Variants in VAV2 observed in about 807,000 individuals in gnomAD.
The protein encoded by VAV2 is vav guanine nucleotide exchange factor 2.
A neutral mutation model predicts 132.5 loss-of-function variants in VAV2; 67 were observed. The observed-to-expected ratio is 0.51, with a 90% CI of 0.42 to 0.62. VAV2 has a LOEUF of 0.62. VAV2 is among the 20% of genes least tolerant of loss of function. VAV2 has a pLI of 0.00. For synonymous variants in VAV2, 492 were observed against 443.5 expected (o/e 1.11, Z -1.37); for missense variants, 938 against 1,153.6 (o/e 0.81, Z 2.71).
intron 2 of VAV2, among the ~76,000 whole-genome samples, chr9:133,886,500 G>A (rs1838715192): frequency 6.6e-6 from 1 of 152,222 alleles, no homozygotes; most frequent in Admixed American, 6.5e-5. Flanking sequence ...CCAGACAAGA[G>A]GAAGCCCCAG....
chr9:133,958,163 A>G (rs989510257), intron 1 of VAV2, among the ~76,000 whole-genome samples: 4 of 138,174 alleles, frequency 2.9e-5, no homozygotes, highest in African/African-American at 1.0e-4. Flanking sequence ...GAAGGGAAAG[A>G]CCTGACCGTC....
chr9:133,910,673 A>G (rs945585109), intron 2 of VAV2, among the ~76,000 whole-genome samples: 30 of 150,346 alleles, frequency 2.0e-4, no homozygotes, highest in Non-Finnish European at 4.0e-4. Context: ...AATTACAAAA[A>G]CTTAGCCGAG....
At chr9:133,916,758 A>G (rs541481247) in intron 2 of VAV2, among the ~76,000 whole-genome samples, 3 of 152,170 alleles carry the variant, frequency 2.0e-5, no homozygotes, top group East Asian at 3.9e-4. Flanking sequence ...GCCTCCAGCC[A>G]TGCAAAAAGC....
rs752917195 is a variant in VAV2 at position 133,768,062 on chromosome 9, G to A, written c.2589+380C>T. On this transcript the variant is annotated intron_variant, in intron 29 of 29. Transcript: ENST00000371850. This position sits in a 1 kb window ranked among gnomAD's most constrained non-coding sequence, Gnocchi z 5.3. ...GCAGGAGGAGCCCAGCAAGGACACC[G>A]TGTCCTCCTCAGTCCTGTGACCTCC... Among the ~76,000 whole-genome samples, 4 of 152,018 alleles carry A rather than the reference G, an allele frequency of 2.6e-5. No homozygotes were observed. The highest frequency in any genetic ancestry group is 4.8e-5 in the African/African-American group (2 of 41,386).
intron 8 of VAV2, 149 bp downstream of exon 8, chr9:133,807,109 G>A (rs566653911): frequency 3.1e-5 from 26 of 840,114 alleles, no homozygotes; most frequent in Admixed American, 1.3e-4. Context: ...TGGAGAGAGC[G>A]GTGGGGGCTC....
chr9:133,780,635 C>A, intron 20 of VAV2, 59 bp downstream of exon 20: 1 of 1,184,372 alleles, frequency 8.4e-7, no homozygotes, highest in Non-Finnish European at 1.1e-6. Context: ...TCTGGCTCTG[C>A]GCACACAGGG....
At chr9:133,920,722 T>A (rs1348854767) in intron 2 of VAV2, among the ~76,000 whole-genome samples, 1 of 151,754 alleles carries the variant, frequency 6.6e-6, no homozygotes, top group African/African-American at 2.4e-5. Flanking sequence ...ATGCTGTCTG[T>A]CACTGTCTCC....
chr9:133,795,776 G>A, intron 11 of VAV2, 40 bp from the exon 12 acceptor site: 2 of 1,604,484 alleles, frequency 1.2e-6, no homozygotes, highest in Non-Finnish European at 8.5e-7. Flanking sequence ...ACCACTCGGG[G>A]GTTCTGGCCT....
chr9:133,939,714 G>A (rs1174427445), intron 1 of VAV2, among the ~76,000 whole-genome samples: 5 of 152,372 alleles, frequency 3.3e-5, no homozygotes, highest in East Asian at 3.9e-4. Context: ...ACGTGGGCAC[G>A]TGCACAGGCG....
At chr9:133,790,571 G>C (rs758681682) in intron 13 of VAV2, among the ~76,000 whole-genome samples, 1 of 152,148 alleles carries the variant, frequency 6.6e-6, no homozygotes, top group Non-Finnish European at 1.5e-5. Context: ...CTCACTGTAC[G>C]CATTTGTGAC....
At chr9:133,904,022 A>C (rs1243287500) in intron 2 of VAV2, among the ~76,000 whole-genome samples, 1 of 152,262 alleles carries the variant, frequency 6.6e-6, no homozygotes, top group African/African-American at 2.4e-5. Context: ...AAAGCTTATA[A>C]AATCATGTTG....
chr9:133,818,563 T>C (rs1405907994), intron 4 of VAV2, among the ~76,000 whole-genome samples: 1 of 152,198 alleles, frequency 6.6e-6, no homozygotes, highest in Non-Finnish European at 1.5e-5. Flanking sequence ...CCTGGTTCTC[T>C]GACCTTTGGA....
chr9:133,981,100 G>A (rs890265163), intron 1 of VAV2, among the ~76,000 whole-genome samples: 9 of 152,292 alleles, frequency 5.9e-5, no homozygotes, highest in African/African-American at 2.2e-4. Context: ...AGGAGGCCCT[G>A]GGGAGAAGCA....
intron 2 of VAV2, among the ~76,000 whole-genome samples, chr9:133,937,319 G>A (rs945197957): frequency 7.9e-5 from 12 of 151,978 alleles, no homozygotes; most frequent in African/African-American, 2.9e-4. Context: ...TGCATGTCTG[G>A]GTGTGGGTGT....
At chr9:133,924,832 G>A (rs1840417188) in intron 2 of VAV2, among the ~76,000 whole-genome samples, 1 of 152,222 alleles carries the variant, frequency 6.6e-6, no homozygotes, top group African/African-American at 2.4e-5. Context: ...CCACCAACAG[G>A]TGCATAGATG....
chr9:133,961,932 C>T lies in VAV2; in HGVS notation c.205-22713G>A, dbSNP rs1415694754. The stretch of plus-strand genomic sequence containing the variant: ...CTGACTCCTCACCCCACGGTGGCCC[C>T]TGCCAGAACCCAGCATCATCCCCCA... On this transcript the variant is annotated intron_variant, in intron 1 of 29. Coordinates refer to ENST00000371850, the MANE Select transcript of VAV2 (RefSeq NM_001134398.2). The surrounding 1 kb of genome is among the most constrained non-coding windows in gnomAD (Gnocchi z 4.1). Among the ~76,000 whole-genome samples, 1 of 152,198 alleles carries T rather than the reference C, an allele frequency of 6.6e-6. No individual in the cohort carries two copies. The highest frequency in any genetic ancestry group is 1.5e-5 in the Non-Finnish European group (1 of 68,030).
intron 3 of VAV2, among the ~76,000 whole-genome samples, chr9:133,847,138 C>T (rs1427407840): frequency 1.3e-5 from 2 of 152,214 alleles, no homozygotes; most frequent in African/African-American, 4.8e-5. Flanking sequence ...TGCCTCACCT[C>T]TGCCTTCCTG....
Position 133,807,333 on chromosome 9 carries a change from G to A in VAV2, c.667-7C>T. 6.2e-7 allele frequency: 1 copy of A among 1,606,736 alleles called. No individual in the cohort carries two copies. Among genetic ancestry groups the A allele is most frequent in the South Asian group, 1.1e-5 (1 of 89,266 alleles). On this transcript the variant is annotated splice_polypyrimidine_tract_variant and splice_region_variant and intron_variant, in intron 7 of 29. Coordinates refer to ENST00000371850, the MANE Select transcript of VAV2 (RefSeq NM_001134398.2). ...GCAGGGGGCTCATGTAGTTCTGGAA[G>A]AGAGAAGTCCACCTCTGCCACCCTG...
chr9:133,858,461 G>A (rs1052710321), intron 3 of VAV2, among the ~76,000 whole-genome samples: 2 of 152,234 alleles, frequency 1.3e-5, no homozygotes, highest in South Asian at 2.1e-4. Flanking sequence ...GGAAACCCAC[G>A]CCCGATGTAT....
Sources: allele counts gnomAD v4.1 joint callset (sites outside exome capture counted in the v4.1 genomes callset), GRCh38; gene constraint gnomAD v4.1.1; non-coding constraint Gnocchi (gnomAD v3.1); transcripts MANE v1.5; gene names NCBI Gene and HGNC (gene_info 2026-07-23, HGNC 2026-07-21).